The following DCHS1 variants were observed in gnomAD, a reference collection of about 807,000 sequenced individuals.
DCHS1 encodes the protein dachsous cadherin-related 1.
Under a neutral mutation model 213.9 loss-of-function variants are expected in DCHS1, and 78 were observed. The ratio of observed to expected loss-of-function variants is 0.36; its 90% CI spans 0.30 to 0.44. The LOEUF is 0.44. Ranked by LOEUF, DCHS1 falls within the 20% of genes least tolerant of loss-of-function variation. The pLI is 1.00. For synonymous variants in DCHS1, 1,828 were observed against 1,873.7 expected, an observed-to-expected ratio of 0.98 and a Z score of 0.63; for missense variants, 3,946 against 4,395.9, an observed-to-expected ratio of 0.90 and a Z score of 2.89.
intron 1 of DCHS1, among the ~76,000 whole-genome samples, chr11:6,653,956 G>A (rs2134664744): frequency 6.6e-6 from 1 of 152,224 alleles, no homozygotes; most frequent in South Asian, 2.1e-4. Context: ...GAATTTTAAA[G>A]GTGGAATAGT....
chr11:6,640,977 G>T lies in DCHS1; in HGVS notation c.637C>A (p.Leu213Met). ...TAGTGTGAGCGGTTCTCTCGGTCCA[G>T]TTCCCCAGTAACTACCAGCTCAGGT... ...PVPELVVTGE[L>M]DRENRSHYML... is the part of the protein sequence containing the mutation. The change falls in exon 2 of 21, where the codon CTG (leucine) becomes ATG (methionine). Residue 213 changes from leucine to methionine, a missense_variant. Coordinates refer to ENST00000299441, the MANE Select transcript of DCHS1 (RefSeq NM_003737.4). This position sits in a 1 kb window ranked among gnomAD's most constrained non-coding sequence, Gnocchi z 6.5. 1 of 1,614,030 alleles carries T rather than the reference G, an allele frequency of 6.2e-7. No individual in the cohort carries two copies. The highest frequency in any genetic ancestry group is 8.5e-7 in the Non-Finnish European group (1 of 1,179,886).
rs1855885163 is a variant in DCHS1 at position 6,630,462 on chromosome 11, C to T, written c.4332G>A (p.Ala1444=). The T allele has an allele frequency of 6.6e-7, 1 of 1,520,268 alleles. No homozygotes were observed. The allele number at this position is 1,520,268 out of a possible 1,614,324, so 94.2% of individuals were successfully genotyped here. Residue 1444 remains alanine, a synonymous_variant, in exon 10 of 21, where the codon GCG becomes GCA. Coordinates refer to ENST00000299441, the MANE Select transcript of DCHS1 (RefSeq NM_003737.4). ...PAFARDPLAL[A]LPENPEPGAA... is the part of the protein sequence containing the mutation. ...CGCCGGGCTCCGGGTTCTCTGGCAG[C>T]GCCAGCGCCAGCGGGTCGCGCGCAA...
Position 6,624,027 on chromosome 11 carries a change from G to C in DCHS1, c.7649C>G (p.Ala2550Gly). 1 of 1,613,600 alleles carries C rather than the reference G, an allele frequency of 6.2e-7. No individual in the cohort carries two copies. The highest frequency in any genetic ancestry group is 8.5e-7 in the Non-Finnish European group (1 of 1,179,856). ...TTCAAGCAACACCAGGCAGCCCAGT[G>C]CCCGGGGGCCTGGTCCAGCACTCTC... ...AGESAGPGPR[A>G]LGCLVLLEPL... Residue 2550 changes from alanine (A) to glycine (G), a missense_variant, in exon 21 of 21, where the codon GCA becomes GGA. By Grantham distance (60) the Ala-to-Gly change is moderately conservative. Coordinates refer to ENST00000299441, the MANE Select transcript of DCHS1 (RefSeq NM_003737.4).
At position 6,630,514 on chromosome 11, in the gene DCHS1, T is replaced by C; in HGVS notation, c.4280A>G (p.Gln1427Arg). The stretch of plus-strand genomic sequence containing the variant: ...GGCGGGCGCATGCTCATTCTCGTCC[T>C]GCACTTGCACCTGCACTCGCAGCAG... ...ARLLRVQVQV[Q>R]DENEHAPAFA... The change falls in exon 10 of 21, where the codon CAG becomes CGG. Residue 1427 changes from glutamine (Q) to arginine (R), a missense_variant. By Grantham distance (43) the Gln-to-Arg change is conservative. Coordinates refer to ENST00000299441, the MANE Select transcript of DCHS1 (RefSeq NM_003737.4). The C allele has an allele frequency of 1.3e-6, 2 of 1,539,104 alleles. No individual in the cohort carries two copies. The highest frequency in any genetic ancestry group is 8.7e-7 in the Non-Finnish European group (1 of 1,149,440).
At position 6,623,490 on chromosome 11, in the gene DCHS1, T is replaced by A. The variant is rs148148252; in HGVS notation, c.8186A>T (p.His2729Leu). 1.4e-4 allele frequency: 219 copies of A among 1,593,200 alleles called. 1 individual carries two copies. Among genetic ancestry groups the A allele is most frequent in the Admixed American group, 1.9e-4 (11 of 56,550 alleles). The change falls in exon 21 of 21, where the codon CAT becomes CTT. Residue 2729 changes from histidine (H) to leucine (L), a missense_variant. Coordinates refer to ENST00000299441, the MANE Select transcript of DCHS1 (RefSeq NM_003737.4). ...AGCCCCAGCATCCCCGTCGATTGCA[T>A]GCAGAGTGGTCACGAGAGTGCCTGG... ...QPPGTLVTTL[H>L]AIDGDAGAFG...
At chr11:6,636,489 C>A (rs982690562) in intron 2 of DCHS1, among the ~76,000 whole-genome samples, 4 of 152,106 alleles carry the variant, frequency 2.6e-5, no homozygotes, top group African/African-American at 9.7e-5. Flanking sequence ...AGATTACAGG[C>A]GTGAACCACT....
Position 6,639,691 on chromosome 11 carries a change from G to T in DCHS1, c.1797+126C>A. On this transcript the variant is annotated intron_variant, in intron 2 of 20. Coordinates refer to ENST00000299441, the MANE Select transcript of DCHS1 (RefSeq NM_003737.4). ...CACAGATTTTGGAGCTTACAACATA[G>T]GGCAGAACCCTCTAGCATAAGTCAC... 6 of 822,036 alleles carry T rather than the reference G, an allele frequency of 7.3e-6. No individual in the cohort carries two copies. In the South Asian group the frequency reaches 1.1e-4, roughly 15 times the overall value. 50.9% of individuals were successfully genotyped at this position (822,036 alleles called of 1,614,324 possible).
rs1393575680 is a variant in DCHS1 at position 6,621,650 on chromosome 11, A to G, written c.*129T>C. The G allele has an allele frequency of 3.7e-6, 4 of 1,076,056 alleles. No individual in the cohort carries two copies. Among genetic ancestry groups the G allele is most frequent in the Non-Finnish European group, 5.5e-6 (4 of 727,646 alleles). 66.7% of individuals were successfully genotyped at this position (1,076,056 alleles called of 1,614,324 possible). ...GAGGGGGCTGGGGAGTTCAGGGTGGAGAGCTGGGGCCTGGTGGTGGCCTCC... is the reference window on the plus strand; with the variant it reads ...GAGGGGGCTGGGGAGTTCAGGGTGGGGAGCTGGGGCCTGGTGGTGGCCTCC... On this transcript the variant is annotated 3_prime_UTR_variant, in exon 21 of 21. Transcript: ENST00000299441.
chr11:6,628,549 T>G lies in DCHS1; in HGVS notation c.5371+72A>C. On this transcript the variant is annotated intron_variant, in intron 13 of 20. Transcript: ENST00000299441. The surrounding 1 kb of genome is among the most constrained non-coding windows in gnomAD (Gnocchi z 4.3). The stretch of plus-strand genomic sequence containing the variant: ...GAGACCCAGACACATGCACTGAGGC[T>G]GACAGCAGCCAAGAAGGAGCAAGAA... The G allele has an allele frequency of 6.4e-7, 1 of 1,569,610 alleles. No homozygotes were observed. The highest frequency in any genetic ancestry group is 8.8e-7 in the Non-Finnish European group (1 of 1,141,874).
intron 5 of DCHS1, 105 bp downstream of exon 5, chr11:6,633,307 G>T: frequency 8.1e-7 from 1 of 1,238,484 alleles, no homozygotes; most frequent in Non-Finnish European, 1.1e-6. Flanking sequence ...GTTTTATACT[G>T]GGGCTATCTG....
rs771740232 is a variant in DCHS1, at chr11:6,627,704, G to A, written c.5372-37C>T. ...GGCATGCACATATAAATATACATGT[G>A]TCGTGGGGATGGGGGTGATTTACAG... is the stretch of plus-strand genomic sequence containing the variant. On this transcript the variant is annotated intron_variant, in intron 13 of 20. Transcript: ENST00000299441. This position sits in a 1 kb window ranked among gnomAD's most constrained non-coding sequence, Gnocchi z 5.4. 2.5e-6 allele frequency: 4 copies of A among 1,588,134 alleles called. No homozygotes were observed. In the Admixed American group the frequency reaches 6.8e-5, roughly 27 times the overall value.
Position 6,624,024 on chromosome 11 carries a change from A to G in DCHS1, c.7652T>C (p.Leu2551Pro). The G allele has an allele frequency of 6.2e-7, 1 of 1,613,622 alleles. No homozygotes were observed. The highest frequency in any genetic ancestry group is 8.5e-7 in the Non-Finnish European group (1 of 1,179,826). Residue 2551 changes from leucine (L) to proline (P), a missense_variant, in exon 21 of 21, where the codon CTG becomes CCG. Around this residue, in one of 3 missense-constraint regions of DCHS1, gnomAD observed 3,384 missense variants for 3,780.1 expected, o/e 0.90. Transcript: ENST00000299441. ...AGGTTCAAGCAACACCAGGCAGCCC[A>G]GTGCCCGGGGGCCTGGTCCAGCACT... ...GESAGPGPRA[L>P]GCLVLLEPLD...
At position 6,622,441 on chromosome 11, in the gene DCHS1, T is replaced by C. The variant is rs1442176495; in HGVS notation, c.9235A>G (p.Thr3079Ala). 2 of 1,558,662 alleles carry C rather than the reference T, an allele frequency of 1.3e-6. No individual in the cohort carries two copies. Among genetic ancestry groups the C allele is most frequent in the Non-Finnish European group, 1.7e-6 (2 of 1,150,964 alleles). ...IQQDADGLSD[T>A]SCEPPAPDTW... ...TCAGGGGCAGGTGGTTCGCAGGATG[T>C]GTCACTCAGACCATCTGCATCCTGC... is the stretch of plus-strand genomic sequence containing the variant. The change falls in exon 21 of 21, where the codon ACA becomes GCA. Residue 3079 changes from threonine (T) to alanine (A), a missense_variant. Thr to Ala is a moderately conservative substitution (Grantham distance 58, BLOSUM62 0). Coordinates refer to ENST00000299441, the MANE Select transcript of DCHS1 (RefSeq NM_003737.4). The surrounding 1 kb of genome is among the most constrained non-coding windows in gnomAD (Gnocchi z 5.4).
intron 1 of DCHS1, among the ~76,000 whole-genome samples, chr11:6,649,793 A>G (rs958618520): frequency 2.0e-5 from 3 of 152,148 alleles, no homozygotes; most frequent in African/African-American, 7.2e-5. Flanking sequence ...TCTAGGCTGT[A>G]GAAGAGGCCA....
Position 6,629,856 on chromosome 11 carries a change from C to T in DCHS1, c.4851G>A (p.Leu1617=), listed in dbSNP as rs2134624297. 1.2e-6 allele frequency: 2 copies of T among 1,613,116 alleles called. No individual in the cohort carries two copies. The highest frequency in any genetic ancestry group is 1.7e-6 in the Non-Finnish European group (2 of 1,179,878). Residue 1617 remains leucine, a synonymous_variant, in exon 11 of 21, where the codon CTG becomes CTA. Transcript: ENST00000299441. Reference sequence around the variant, plus strand: ...AGCCGTGGTCTGAGGCCACCACTGTCAGTACGTGCTCAGCTCGTTGTTCGC... The same window carrying T: ...AGCCGTGGTCTGAGGCCACCACTGTTAGTACGTGCTCAGCTCGTTGTTCGC... ...LDREQRAEHV[L]TVVASDHGSP... is the part of the protein sequence containing the mutation.
At chr11:6,654,306 C>T (rs916716469) in intron 1 of DCHS1, among the ~76,000 whole-genome samples, 6 of 152,128 alleles carry the variant, frequency 3.9e-5, no homozygotes, top group Admixed American at 2.0e-4. Context: ...CTAGGACACC[C>T]ACTATGTATG....
Position 6,634,291 on chromosome 11 carries a change from C to T in DCHS1, c.1813G>A (p.Ala605Thr), listed in dbSNP as rs765079321. ...TCFLQVTATD[A>T]DSGPFGLLSY... is the part of the protein sequence containing the mutation. ...AGGAGGCCAAATGGGCCACTATCCG[C>T]GTCTGTGGCTGTCACCTAGGGAGAG... Residue 605 changes from alanine (A) to threonine (T), a missense_variant, in exon 3 of 21, where the codon GCG becomes ACG. Around this residue, in one of 3 missense-constraint regions of DCHS1, gnomAD observed 3,384 missense variants for 3,780.1 expected, o/e 0.90. Transcript: ENST00000299441. 24 of 1,601,892 alleles carry T rather than the reference C, an allele frequency of 1.5e-5. No individual in the cohort carries two copies. The highest frequency in any genetic ancestry group is 1.7e-4 in the Middle Eastern group (1 of 5,910).
Position 6,632,858 on chromosome 11 carries a change from T to G in DCHS1, c.2654A>C (p.Asp885Ala), listed in dbSNP as rs766829465. Residue 885 changes from aspartate to alanine, a missense_variant, in exon 6 of 21, where the codon GAT (aspartate) becomes GCT (alanine). Around this residue, in one of 3 missense-constraint regions of DCHS1, gnomAD observed 3,384 missense variants for 3,780.1 expected, o/e 0.90. Coordinates refer to ENST00000299441, the MANE Select transcript of DCHS1 (RefSeq NM_003737.4). The surrounding 1 kb of genome is among the most constrained non-coding windows in gnomAD (Gnocchi z 5.9). ...GGCAGGGGAGTTGTCATTCACATCA[T>G]CCAGCAGCACACGCACCCGAGCTAC... ...FAVARVRVLL[D>A]DVNDNSPAFP... 5 of 1,613,982 alleles carry G rather than the reference T, an allele frequency of 3.1e-6. No homozygotes were observed. The Admixed American group carries it at 5.0e-5, about 16-fold the overall frequency.
At position 6,632,887 on chromosome 11, in the gene DCHS1, G is replaced by A. The variant is rs750214602; in HGVS notation, c.2625C>T (p.Phe875=). The A allele has an allele frequency of 6.2e-6, 10 of 1,613,894 alleles. No homozygotes were observed. The highest frequency in any genetic ancestry group is 5.0e-5 in the Admixed American group (3 of 60,002). ...GCAGCACACGCACCCGAGCTACAGCGAAAGCTGGGGGCACTCCACTGCCTG... is the reference window on the plus strand; with the variant it reads ...GCAGCACACGCACCCGAGCTACAGCAAAAGCTGGGGGCACTCCACTGCCTG... ...VRAGSGVPPA[F]AVARVRVLLD... Residue 875 remains phenylalanine (F), a synonymous_variant, in exon 6 of 21, where the codon TTC becomes TTT. Coordinates refer to ENST00000299441, the MANE Select transcript of DCHS1 (RefSeq NM_003737.4). The surrounding 1 kb of genome is among the most constrained non-coding windows in gnomAD (Gnocchi z 5.9).
Sources: allele counts gnomAD v4.1 joint callset (sites outside exome capture counted in the v4.1 genomes callset), GRCh38; gene constraint gnomAD v4.1.1; regional missense constraint gnomAD v4.1.1; non-coding constraint Gnocchi (gnomAD v3.1); transcripts MANE v1.5; gene names NCBI Gene and HGNC (gene_info 2026-07-23, HGNC 2026-07-21).